ESS2: variants seen among roughly 807,000 people sequenced by gnomAD.
The protein encoded by ESS2 is splicing factor ESS-2 homolog.
ESS2 carries 31 observed loss-of-function variants against 52.0 expected under a neutral mutation model. That is an observed-to-expected ratio of 0.60 (90% confidence interval 0.45 to 0.81). The LOEUF (loss-of-function observed/expected upper bound fraction) is 0.81, where lower values mean the gene tolerates loss of function less well. ESS2 is among the 30% of genes least tolerant of loss of function. The probability of loss-of-function intolerance (pLI) is 0.00; values close to 1 mark genes in which losing one functional copy is unlikely to be tolerated. For missense variants in ESS2, 602 were observed against 637.2 expected (o/e 0.94, Z 0.59); for synonymous variants, 285 against 259.2 (o/e 1.10, Z -0.95).
Position 19,144,615 on chromosome 22 carries a change from G to T in ESS2, c.26C>A (p.Ser9Ter). 1 of 1,554,472 alleles carries T rather than the reference G, an allele frequency of 6.4e-7. No homozygotes were observed. Among genetic ancestry groups the T allele is most frequent in the Non-Finnish European group, 8.7e-7 (1 of 1,148,484 alleles). The change falls in exon 1 of 10, where the codon TCG becomes TAG. Residue 9 changes from serine (S) to a stop codon, truncating the protein, a stop_gained. Transcript: ENST00000252137. LOFTEE classifies it high-confidence loss of function. ...GGACGCGGCGGGAAGCAACAAGGAC[G>T]ACGCTGATGCGCCCGGCGTCTCCAT... METPGASA[S>*]SLLLPAASRP...
At chr22:19,140,289 G>A (rs1305011133) in intron 3 of ESS2, among the ~76,000 whole-genome samples, 2 of 152,202 alleles carry the variant, frequency 1.3e-5, no homozygotes, top group African/African-American at 2.4e-5. Flanking sequence ...AGGGAATTAC[G>A]TGGTCTGATT....
At position 19,139,750 on chromosome 22, in the gene ESS2, G is replaced by A. The variant is rs1458907476; in HGVS notation, c.571-21C>T. 3.7e-6 allele frequency: 6 copies of A among 1,614,100 alleles called. No individual in the cohort carries two copies. The South Asian group carries it at 6.6e-5, about 18-fold the overall frequency. ...TGCCTCTGCAATCACATGGGGAAAA[G>A]TGATGGTCAGAGATGCCCCTGGGCA... is the stretch of plus-strand genomic sequence containing the variant. On this transcript the variant is annotated intron_variant, in intron 4 of 9. Coordinates refer to ENST00000252137, the MANE Select transcript of ESS2 (RefSeq NM_022719.3).
intron 8 of ESS2, among the ~76,000 whole-genome samples, chr22:19,136,256 GGAGGTT>G (rs2083580090): frequency 3.5e-5 from 5 of 144,896 alleles, no homozygotes; most frequent in Admixed American, 1.5e-4. Flanking sequence ...CAGTTACTTG[GGAGGTT>G]GAGGCAGGAG....
At chr22:19,140,648 G>A (rs1287968406) in intron 3 of ESS2, among the ~76,000 whole-genome samples, 3 of 152,168 alleles carry the variant, frequency 2.0e-5, no homozygotes, top group African/African-American at 7.2e-5. Flanking sequence ...CCACTGAGGT[G>A]GTGCCCTGGT....
In ESS2 at chr22:19,131,387, C is replaced by A. The variant is rs200850431; in HGVS notation, c.*2809G>T. 18 of 1,564,806 alleles carry A rather than the reference C, an allele frequency of 1.2e-5. No homozygotes were observed. The highest frequency in any genetic ancestry group is 1.5e-5 in the Non-Finnish European group (17 of 1,150,560). On this transcript the variant is annotated 3_prime_UTR_variant, in exon 10 of 10. Transcript: ENST00000252137. This position sits in a 1 kb window ranked among gnomAD's most constrained non-coding sequence, Gnocchi z 5.7. Reference sequence around the variant, plus strand: ...GGATGTAGACGGCAGCGGCGCCAGTCGCTCCTGGCACCATGGACGATGCCA... The same window carrying A: ...GGATGTAGACGGCAGCGGCGCCAGTAGCTCCTGGCACCATGGACGATGCCA...
intron 3 of ESS2, among the ~76,000 whole-genome samples, chr22:19,142,203 A>T (rs557823511): frequency 1.8e-4 from 27 of 152,208 alleles, no homozygotes; most frequent in Non-Finnish European, 3.5e-4. Flanking sequence ...ACATGAAGGA[A>T]ACAAATGGAG....
At position 19,132,327 on chromosome 22, in the gene ESS2, C is replaced by T. The variant is rs777773500; in HGVS notation, c.*1869G>A. On this transcript the variant is annotated 3_prime_UTR_variant, in exon 10 of 10. Transcript: ENST00000252137. This position sits in a 1 kb window ranked among gnomAD's most constrained non-coding sequence, Gnocchi z 4.2. ...CAAGACAGGCTTGAGGCCCGACCAC[C>T]GGCCCGACCACAAGCTTGGAGCCAA... 67 of 1,612,762 alleles carry T rather than the reference C, an allele frequency of 4.2e-5. No individual in the cohort carries two copies. Among genetic ancestry groups the T allele is most frequent in the Middle Eastern group, 1.6e-4 (1 of 6,082 alleles).
At chr22:19,139,073 G>T in intron 6 of ESS2, 86 bp downstream of exon 6, 1 of 1,494,598 alleles carries the variant, frequency 6.7e-7, no homozygotes, top group Non-Finnish European at 8.9e-7. Flanking sequence ...GCTCTGCCAA[G>T]CTCAAAGAGA....
rs371353822 is a variant in ESS2, at chr22:19,132,279, C to T, written c.*1917G>A. The T allele has an allele frequency of 4.9e-5, 79 of 1,613,336 alleles. No individual in the cohort carries two copies. In the Middle Eastern group the frequency reaches 3.1e-3, roughly 64 times the overall value. Reference sequence around the variant, plus strand: ...CAAGAGGGAGGGGGAGGGCAAGTACCGCGCTGAGTGCAAACTGGACACCAA... The same window carrying T: ...CAAGAGGGAGGGGGAGGGCAAGTACTGCGCTGAGTGCAAACTGGACACCAA... On this transcript the variant is annotated 3_prime_UTR_variant, in exon 10 of 10. Transcript: ENST00000252137. The surrounding 1 kb of genome is among the most constrained non-coding windows in gnomAD (Gnocchi z 4.2).
At chr22:19,137,849 G>A in intron 7 of ESS2, 1 of 985,386 alleles carries the variant, frequency 1.0e-6, no homozygotes, top group Non-Finnish European at 1.2e-6. Context: ...CATGCCACAA[G>A]ACCACCTGAG....
chr22:19,135,190 G>A lies in ESS2; in HGVS notation c.1036-15C>T, dbSNP rs1362256346. The A allele has an allele frequency of 1.9e-6, 3 of 1,603,166 alleles. No homozygotes were observed. Among genetic ancestry groups the A allele is most frequent in the Admixed American group, 3.4e-5 (2 of 59,650 alleles). On this transcript the variant is annotated splice_polypyrimidine_tract_variant and intron_variant, in intron 8 of 9. Coordinates refer to ENST00000252137, the MANE Select transcript of ESS2 (RefSeq NM_022719.3). ...GGCTCCAGGATCTACAAGGTAGCAG[G>A]TGTGTGGGTAGCTGCGCCAGGCCTG... is the stretch of plus-strand genomic sequence containing the variant.
chr22:19,136,762 C>T (rs2083589156), intron 8 of ESS2, among the ~76,000 whole-genome samples: 1 of 152,102 alleles, frequency 6.6e-6, no homozygotes, highest in Admixed American at 6.5e-5. Flanking sequence ...TAACCAGAAC[C>T]TCTCCCCATG....
At chr22:19,138,517 A>G in intron 6 of ESS2, 200 bp from the exon 7 acceptor site, 2 of 694,342 alleles carry the variant, frequency 2.9e-6, no homozygotes, top group Non-Finnish European at 5.3e-6. Flanking sequence ...GGGCCTGTCA[A>G]AGTGGGTACC....
chr22:19,136,031 T>TAAAAAAAAAAAAAAAA (rs377121962), intron 8 of ESS2, among the ~76,000 whole-genome samples: 4 of 92,540 alleles, frequency 4.3e-5, no homozygotes, highest in African/African-American at 1.8e-4. Context: ...CCCTATCTGT[T>TAAAAAAAAAAAAAAAA]AAAAAAAAAA....
intron 8 of ESS2, among the ~76,000 whole-genome samples, chr22:19,135,933 G>A (rs542259467): frequency 7.4e-4 from 112 of 151,754 alleles, no homozygotes; most frequent in African/African-American, 2.7e-3. Flanking sequence ...AGGAGGCTGA[G>A]GCTGGAAGGT....
rs1569110213 is a variant in ESS2, at chr22:19,139,625, C to T, written c.675G>A (p.Met225Ile). The T allele has an allele frequency of 6.2e-7, 1 of 1,614,172 alleles. No individual in the cohort carries two copies. Among genetic ancestry groups the T allele is most frequent in the East Asian group, 2.2e-5 (1 of 44,886 alleles). Residue 225 changes from methionine to isoleucine, a missense_variant, in exon 5 of 10, where the codon ATG becomes ATA. By Grantham distance (10) the Met-to-Ile change is conservative. Transcript: ENST00000252137. ...CCCGCCACTTACCCTCTGGATAGTACATGAGGGAATTCTTGGCCTTGTACT... is the reference window on the plus strand; with the variant it reads ...CCCGCCACTTACCCTCTGGATAGTATATGAGGGAATTCTTGGCCTTGTACT... The part of the protein sequence containing the change: ...TWKYKAKNSL[M>I]YYPEGVPDEE...
chr22:19,132,371 G>C lies in ESS2; in HGVS notation c.*1825C>G, dbSNP rs143749090. On this transcript the variant is annotated 3_prime_UTR_variant, in exon 10 of 10. Transcript: ENST00000252137. This position sits in a 1 kb window ranked among gnomAD's most constrained non-coding sequence, Gnocchi z 4.2. ...GAGCCAAAACCCAGCACCGGCTGCT[G>C]GTGGTGCCCGAGAACGAGAACAGGA... The C allele has an allele frequency of 6.8e-5, 109 of 1,613,054 alleles. No individual in the cohort carries two copies. The highest frequency in any genetic ancestry group is 8.6e-5 in the Non-Finnish European group (102 of 1,180,018).
Position 19,131,784 on chromosome 22 carries a change from G to A in ESS2, c.*2412C>T, listed in dbSNP as rs753433282. On this transcript the variant is annotated 3_prime_UTR_variant, in exon 10 of 10. Coordinates refer to ENST00000252137, the MANE Select transcript of ESS2 (RefSeq NM_022719.3). The surrounding 1 kb of genome is among the most constrained non-coding windows in gnomAD (Gnocchi z 5.7). ...CTCCTCCGCCGTCAAGTACTGCCAC[G>A]ACCTGGACATCGTCCACCGGGACCT... 25 of 1,614,134 alleles carry A rather than the reference G, an allele frequency of 1.5e-5. No homozygotes were observed. The highest frequency in any genetic ancestry group is 1.7e-4 in the Middle Eastern group (1 of 6,060).
chr22:19,138,380 G>A, intron 6 of ESS2, 63 bp from the exon 7 acceptor site: 2 of 1,449,940 alleles, frequency 1.4e-6, no homozygotes, highest in Non-Finnish European at 1.9e-6. Context: ...GCTGGCCGGT[G>A]GGCAAACACG....
Sources: gnomAD v4.1 joint callset for allele counts (sites outside exome capture counted in the v4.1 genomes callset) on GRCh38, gnomAD v4.1.1 for gene constraint, Gnocchi (gnomAD v3.1) non-coding constraint, MANE v1.5 for transcripts, NCBI Gene and HGNC (gene_info 2026-07-23, HGNC 2026-07-21) for gene names.